KANSL1L: variants seen among roughly 807,000 people sequenced by gnomAD.
KANSL1L encodes KAT8 regulatory NSL complex subunit 1 like.
A neutral mutation model predicts 108.6 loss-of-function variants in KANSL1L; 25 were observed. That is an observed-to-expected ratio of 0.23 (90% CI 0.17 to 0.32). The LOEUF is 0.32. KANSL1L is among the 10% of genes least tolerant of loss of function. The pLI, the probability that KANSL1L is intolerant of heterozygous loss-of-function variation, is 1.00. For missense variants in KANSL1L, 1,137 were observed against 1,125.7 expected (o/e 1.01, Z -0.14); for synonymous variants, 405 against 395.1 (o/e 1.03, Z -0.30).
chr2:210,023,127 G>A lies in KANSL1L; in HGVS notation c.2786C>T (p.Ala929Val), dbSNP rs563402312. 6.2e-7 allele frequency: 1 copy of A among 1,613,778 alleles called. No individual in the cohort carries two copies. The highest frequency in any genetic ancestry group is 1.1e-5 in the South Asian group (1 of 91,062). The change falls in exon 15 of 15, where the codon GCC becomes GTC. Residue 929 changes from alanine (A) to valine (V), a missense_variant. Physicochemically the swap from Ala to Val is moderately conservative, Grantham distance 64. Around this residue, in one of 3 missense-constraint regions of KANSL1L, gnomAD observed 575 missense variants for 567.1 expected, o/e 1.01. Coordinates refer to ENST00000281772, the MANE Select transcript of KANSL1L (RefSeq NM_152519.4). ...AFPLKGEDMA[A>V]LLCQDEKKDQ... ...CTTTTTTTCATCTTGACATAATAAG[G>A]CTGCCATGTCTTCACCCTTCAGTGG...
chr2:210,104,729 A>T (rs184650128), intron 3 of KANSL1L, among the ~76,000 whole-genome samples: 1 of 152,302 alleles, frequency 6.6e-6, no homozygotes, highest in Admixed American at 6.5e-5. Context: ...TTATAAATTA[A>T]AACACCAAAT....
At chr2:210,076,497 C>T (rs555278797) in intron 5 of KANSL1L, among the ~76,000 whole-genome samples, 3 of 152,076 alleles carry the variant, frequency 2.0e-5, no homozygotes, top group African/African-American at 7.2e-5. Context: ...ATTAGTTGCT[C>T]TTATATAAGC....
intron 2 of KANSL1L, among the ~76,000 whole-genome samples, chr2:210,137,773 G>GTT (rs1357350610): frequency 5.9e-5 from 9 of 152,144 alleles, no homozygotes; most frequent in Non-Finnish European, 1.0e-4. Context: ...GCTCATGCCT[G>GTT]TAATACCAGC....
chr2:210,024,590 T>A (rs2093909794), intron 13 of KANSL1L, among the ~76,000 whole-genome samples: 1 of 152,112 alleles, frequency 6.6e-6, no homozygotes, highest in South Asian at 2.1e-4. Context: ...AAAATAGGAA[T>A]TTTCTCATAT....
chr2:210,088,562 T>C (rs966765053), intron 5 of KANSL1L: 6 of 152,376 alleles, frequency 3.9e-5, no homozygotes, highest in Admixed American at 2.0e-4. Context: ...AGGGAAGACG[T>C]GCCTTGAAAG....
intron 12 of KANSL1L, 53 bp from the exon 13 acceptor site, chr2:210,025,269 A>T: frequency 8.7e-7 from 1 of 1,154,556 alleles, no homozygotes; most frequent in South Asian, 1.2e-5. Context: ...TTGAAATATA[A>T]GATCAGGCTG....
At position 210,171,402 on chromosome 2, in the gene KANSL1L, C is replaced by G. The variant is rs893742068; in HGVS notation, c.-283G>C. The G allele has an allele frequency of 1.8e-5, 3 of 162,248 alleles. No homozygotes were observed. The highest frequency in any genetic ancestry group is 1.3e-4 in the Admixed American group (2 of 15,392). 10.1% of individuals were successfully genotyped at this position (162,248 alleles called of 1,614,324 possible). A position where few individuals can be genotyped will look rare whatever the true frequency, so the allele number is the denominator to read the frequency against. On this transcript the variant is annotated 5_prime_UTR_variant, in exon 1 of 15. Transcript: ENST00000281772. ...GCGGCTCGGGGGGACGGAACCCTGC[C>G]GCGGTCTGGGAGCAGTGGGCGGGGC...
chr2:210,079,672 GTGTA>G (rs1158655380), intron 5 of KANSL1L: 3,610 of 25,276 alleles, frequency 0.14, 608 homozygotes, highest in African/African-American at 0.34. Context: ...ATATGTATGT[GTGTA>G]TATATATATA....
chr2:210,039,915 T>C (rs2094145982), intron 8 of KANSL1L, among the ~76,000 whole-genome samples: 1 of 151,864 alleles, frequency 6.6e-6, no homozygotes, highest in African/African-American at 2.4e-5. Flanking sequence ...TCTATTTTCT[T>C]AAATATAAAC....
chr2:210,037,405 C>T (rs1230812635), intron 8 of KANSL1L, among the ~76,000 whole-genome samples: 1 of 152,110 alleles, frequency 6.6e-6, no homozygotes, highest in African/African-American at 2.4e-5. Context: ...CTTTTGAAAA[C>T]AATCTAGTCT....
At chr2:210,156,574 T>C (rs2095334389) in intron 1 of KANSL1L, among the ~76,000 whole-genome samples, 1 of 152,022 alleles carries the variant, frequency 6.6e-6, no homozygotes, top group African/African-American at 2.4e-5. Flanking sequence ...ATATATATAG[T>C]ATAGTACCAT....
chr2:210,104,212 A>C lies in KANSL1L; in HGVS notation c.1320T>G (p.Ile440Met), dbSNP rs1237141862. ...CCTGGGGAACCTGAGGATTCCCTAG[A>C]ATGTTTAGTGAAGCTGCTTGGTCTG... ...QFADQAASLN[I>M]LGNPQVPQEC... Residue 440 changes from isoleucine to methionine, a missense_variant, in exon 4 of 15, where the codon ATT becomes ATG. Coordinates refer to ENST00000281772, the MANE Select transcript of KANSL1L (RefSeq NM_152519.4). 6.2e-7 allele frequency: 1 copy of C among 1,613,612 alleles called. No individual in the cohort carries two copies. The highest frequency in any genetic ancestry group is 1.7e-5 in the Admixed American group (1 of 59,986).
rs543869202 is a variant in KANSL1L at position 210,048,323 on chromosome 2, TTTA to T, written c.1756-4222_1756-4220del. Among the ~76,000 whole-genome samples, 162 of 150,400 alleles carry T rather than the reference TTTA, an allele frequency of 1.1e-3. 1 individual carries two copies. The highest frequency in any genetic ancestry group is 1.3e-3 in the Admixed American group (19 of 15,090). On this transcript the variant is annotated intron_variant, in intron 6 of 14. Transcript: ENST00000281772. ...TAGACTTTCTCCTCTAACCTTTATT[TTTA>T]TTAATTCTTTTTTCATATTTTCCAT...
At chr2:210,037,916 A>T (rs1363055551) in intron 8 of KANSL1L, among the ~76,000 whole-genome samples, 1 of 152,150 alleles carries the variant, frequency 6.6e-6, no homozygotes, top group African/African-American at 2.4e-5. Context: ...GGCTTATTCA[A>T]ATCAATCTCA....
At chr2:210,059,413 G>C (rs2094395578) in intron 6 of KANSL1L, among the ~76,000 whole-genome samples, 2 of 152,190 alleles carry the variant, frequency 1.3e-5, no homozygotes, top group Admixed American at 1.3e-4. Context: ...GGAAAACAAA[G>C]TAGTAAGTAA....
chr2:210,030,499 CTTTT>C lies in KANSL1L; in HGVS notation c.2156-585_2156-582del, dbSNP rs34540957. On this transcript the variant is annotated intron_variant, in intron 9 of 14. Coordinates refer to ENST00000281772, the MANE Select transcript of KANSL1L (RefSeq NM_152519.4). ...GTATTTTCTGTATATCTTCCAAGTT[CTTTT>C]TTTTTTTTTTTCCTGTTTTGGTTCC... is the stretch of plus-strand genomic sequence containing the variant. Among the ~76,000 whole-genome samples, 3 of 118,160 alleles carry C rather than the reference CTTTT, an allele frequency of 2.5e-5. No homozygotes were observed. The East Asian group carries it at 7.6e-4, about 30-fold the overall frequency. 77.5% of individuals were successfully genotyped at this position (118,160 alleles called of 152,430 possible).
chr2:210,091,520 C>G (rs562410051), intron 5 of KANSL1L, among the ~76,000 whole-genome samples: 2 of 152,258 alleles, frequency 1.3e-5, no homozygotes, highest in South Asian at 4.1e-4. Context: ...GGTCAAGAAA[C>G]AGAGCATTAG....
intron 1 of KANSL1L, among the ~76,000 whole-genome samples, chr2:210,161,169 G>A (rs1223929916): frequency 6.6e-6 from 1 of 151,594 alleles, no homozygotes; most frequent in South Asian, 2.1e-4. Context: ...TTGTATTTTT[G>A]TAGAGATGGG....
At chr2:210,133,465 T>C (rs1424455800) in intron 2 of KANSL1L, among the ~76,000 whole-genome samples, 7 of 152,120 alleles carry the variant, frequency 4.6e-5, no homozygotes. Flanking sequence ...GTGATATTTT[T>C]CCTTCTTCCT....
Sources: gnomAD v4.1 joint callset for allele counts (sites outside exome capture counted in the v4.1 genomes callset) on GRCh38, gnomAD v4.1.1 for gene constraint, gnomAD v4.1.1 regional missense constraint, MANE v1.5 for transcripts, NCBI Gene and HGNC (gene_info 2026-07-23, HGNC 2026-07-21) for gene names.